Variants in RNF115 observed in about 807,000 individuals in gnomAD.
RNF115 encodes ring finger protein 115.
Under a neutral mutation model 39.2 loss-of-function variants are expected in RNF115, and 31 were observed. The observed-to-expected ratio is 0.79, with a 90% CI of 0.59 to 1.07. The LOEUF is 1.07. Ranked by LOEUF, RNF115 falls within the 50% of genes least tolerant of loss-of-function variation. The probability of loss-of-function intolerance (pLI) is 0.00; values close to 1 mark genes in which losing one functional copy is unlikely to be tolerated. For missense variants in RNF115, 384 were observed against 381.7 expected, an observed-to-expected ratio of 1.01 and a Z score of -0.05; for synonymous variants, 124 against 131.0, an observed-to-expected ratio of 0.95 and a Z score of 0.37.
intron 4 of RNF115, among the ~76,000 whole-genome samples, chr1:145,771,187 G>T (rs1381852000): frequency 6.6e-6 from 1 of 152,218 alleles, no homozygotes; most frequent in African/African-American, 2.4e-5. Flanking sequence ...TGAATCTCCT[G>T]TGAGTGGATT....
intron 3 of RNF115, among the ~76,000 whole-genome samples, chr1:145,774,406 G>C (rs587630890): frequency 6.6e-6 from 1 of 151,392 alleles, no homozygotes; most frequent in Non-Finnish European, 1.5e-5. Context: ...CTGGGGTGCA[G>C]TGGCACGATC....
intron 5 of RNF115, 82 bp downstream of exon 5, chr1:145,752,896 C>G (rs946783955): frequency 9.6e-7 from 1 of 1,036,452 alleles, no homozygotes; most frequent in Non-Finnish European, 1.5e-6. Flanking sequence ...CTATGCAGCT[C>G]TTTTTCTCTA....
intron 1 of RNF115, among the ~76,000 whole-genome samples, chr1:145,821,305 T>C (rs1650223731): frequency 7.6e-6 from 1 of 130,908 alleles, no homozygotes; most frequent in African/African-American, 2.6e-5. Flanking sequence ...AAATAATATA[T>C]CACACCAAAA....
At chr1:145,780,617 C>CT (rs1553717214) in intron 3 of RNF115, among the ~76,000 whole-genome samples, 1 of 98,850 alleles carries the variant, frequency 1.0e-5, no homozygotes, top group Non-Finnish European at 1.9e-5. Context: ...GAGACTCCGT[C>CT]TAAAAAAAAA....
At chr1:145,789,020 T>C (rs1192890248) in intron 1 of RNF115, 54 bp from the exon 2 acceptor site, 3 of 1,110,356 alleles carry the variant, frequency 2.7e-6, no homozygotes, top group African/African-American at 3.1e-5. Context: ...AGCTACGTGG[T>C]ATCTGTAGTT....
intron 3 of RNF115, among the ~76,000 whole-genome samples, chr1:145,775,719 G>A (rs587593756): frequency 3.3e-5 from 5 of 152,160 alleles, no homozygotes; most frequent in Admixed American, 1.3e-4. Flanking sequence ...GTAACCGGGC[G>A]CAGTAGCTCA....
At chr1:145,797,405 T>C (rs1410367630) in intron 1 of RNF115, among the ~76,000 whole-genome samples, 1 of 152,192 alleles carries the variant, frequency 6.6e-6, no homozygotes, top group East Asian at 1.9e-4. Flanking sequence ...AGTGAAAGCA[T>C]ACAGTATTCG....
At chr1:145,760,229 G>A (rs782334471) in intron 4 of RNF115, among the ~76,000 whole-genome samples, 1 of 152,076 alleles carries the variant, frequency 6.6e-6, no homozygotes, top group Non-Finnish European at 1.5e-5. Context: ...GACTAGCCTG[G>A]ACAACATAAG....
chr1:145,811,296 G>C (rs1317800787), intron 1 of RNF115, among the ~76,000 whole-genome samples: 1 of 148,760 alleles, frequency 6.7e-6, no homozygotes, highest in Non-Finnish European at 1.5e-5. Flanking sequence ...CCAAGGAGGA[G>C]GACAGCTTGA....
At chr1:145,780,618 TAAAAAAAAAAAA>T (rs1205816224) in intron 3 of RNF115, among the ~76,000 whole-genome samples, 6 of 64,526 alleles carry the variant, frequency 9.3e-5, no homozygotes, top group African/African-American at 1.2e-4. Context: ...AGACTCCGTC[TAAAAAAAAAAAA>T]AAAAAAAAAA....
chr1:145,782,455 A>T (rs1362129806), intron 3 of RNF115, among the ~76,000 whole-genome samples: 1 of 152,068 alleles, frequency 6.6e-6, no homozygotes, highest in Non-Finnish European at 1.5e-5. Flanking sequence ...CATCTCTTAA[A>T]AACACACACA....
Position 145,774,594 on chromosome 1 carries a change from G to A in RNF115, c.220-2675C>T, listed in dbSNP as rs374060591. Among the ~76,000 whole-genome samples, 4 of 152,044 alleles carry A rather than the reference G, an allele frequency of 2.6e-5. No homozygotes were observed. The East Asian group carries it at 5.8e-4, about 22-fold the overall frequency. On this transcript the variant is annotated intron_variant, in intron 3 of 8. Transcript: ENST00000582693. ...TCAAACTCCTGACCTCAAGTGATCC[G>A]CCCACCTCGGCCTCCCAAAGTGCTG...
chr1:145,799,347 T>C (rs1649124837), intron 1 of RNF115, among the ~76,000 whole-genome samples: 1 of 152,180 alleles, frequency 6.6e-6, no homozygotes, highest in Admixed American at 6.5e-5. Flanking sequence ...ATTACAGGCA[T>C]GAGCCACTGC....
chr1:145,789,877 T>C (rs1224271084), intron 1 of RNF115, among the ~76,000 whole-genome samples: 1 of 151,600 alleles, frequency 6.6e-6, no homozygotes, highest in Non-Finnish European at 1.5e-5. Flanking sequence ...TTTGTATTTT[T>C]AGTAGAGACA....
At chr1:145,750,881 G>C (rs1420643386) in intron 6 of RNF115, among the ~76,000 whole-genome samples, 3 of 152,196 alleles carry the variant, frequency 2.0e-5, no homozygotes, top group African/African-American at 7.2e-5. Flanking sequence ...ATGAAAAGTA[G>C]CATAACGTGA....
chr1:145,739,738 CCTGG>C lies in RNF115; in HGVS notation c.*7124_*7127del, dbSNP rs1366361802. On this transcript the variant is annotated 3_prime_UTR_variant, in exon 9 of 9. Coordinates refer to ENST00000582693, the MANE Select transcript of RNF115 (RefSeq NM_014455.4). ...GGGATTACAGGCATGCACCACCATGCCTGGCTAATTTTTGTGTTTTTGGTAGAGA... is the reference window on the plus strand; with the variant it reads ...GGGATTACAGGCATGCACCACCATGCCTAATTTTTGTGTTTTTGGTAGAGA... 1 of 152,206 alleles carries C rather than the reference CCTGG, an allele frequency of 6.6e-6. No individual in the cohort carries two copies. The highest frequency in any genetic ancestry group is 1.9e-4 in the East Asian group (1 of 5,190). The allele number at this position is 152,206 out of a possible 1,614,324, so 9.4% of individuals were successfully genotyped here.
At chr1:145,782,930 C>T (rs587748745) in intron 3 of RNF115, among the ~76,000 whole-genome samples, 2 of 152,188 alleles carry the variant, frequency 1.3e-5, no homozygotes, top group Admixed American at 6.5e-5. Flanking sequence ...AGTGCGATCT[C>T]GACTCACCTC....
intron 4 of RNF115, among the ~76,000 whole-genome samples, chr1:145,755,366 A>G (rs587740411): frequency 6.6e-6 from 1 of 152,230 alleles, no homozygotes; most frequent in Non-Finnish European, 1.5e-5. Context: ...GGAACTGAGT[A>G]CTGCCAACAG....
chr1:145,769,302 T>G (rs1405270022), intron 4 of RNF115, among the ~76,000 whole-genome samples: 1 of 152,206 alleles, frequency 6.6e-6, no homozygotes, highest in African/African-American at 2.4e-5. Flanking sequence ...ATAGTGAGGA[T>G]TAAACAAATG....
Sources: gnomAD v4.1 joint callset for allele counts (sites outside exome capture counted in the v4.1 genomes callset) on GRCh38, gnomAD v4.1.1 for gene constraint, MANE v1.5 for transcripts, NCBI Gene and HGNC (gene_info 2026-07-23, HGNC 2026-07-21) for gene names.